ZDHHC14: variants seen among roughly 807,000 people sequenced by gnomAD.
ZDHHC14 encodes zDHHC palmitoyltransferase 14, also known as palmitoyltransferase ZDHHC14.
Under a neutral mutation model 47.7 loss-of-function variants are expected in ZDHHC14, and 16 were observed. The observed-to-expected ratio is 0.34, with a 90% CI of 0.23 to 0.51. ZDHHC14 has a LOEUF of 0.51. ZDHHC14 is among the 20% of genes least tolerant of loss of function. ZDHHC14 has a pLI of 0.97. For synonymous variants in ZDHHC14, 293 were observed against 278.9 expected, an observed-to-expected ratio of 1.05 and a Z score of -0.50; for missense variants, 515 against 662.5, an observed-to-expected ratio of 0.78 and a Z score of 2.44.
intron 3 of ZDHHC14, among the ~76,000 whole-genome samples, chr6:157,614,715 G>A (rs1359602798): frequency 1.3e-5 from 2 of 152,038 alleles, no homozygotes; most frequent in Admixed American, 6.5e-5. Context: ...TTCCTCACAC[G>A]GGGCCCCAGA....
At chr6:157,445,589 G>A (rs200388353) in intron 1 of ZDHHC14, among the ~76,000 whole-genome samples, 4 of 152,330 alleles carry the variant, frequency 2.6e-5, no homozygotes, top group African/African-American at 4.8e-5. Flanking sequence ...GTTGGTGAGC[G>A]GAGAGTTCTT....
intron 1 of ZDHHC14, among the ~76,000 whole-genome samples, chr6:157,464,830 G>A (rs1779167375): frequency 6.6e-6 from 1 of 152,160 alleles, no homozygotes; most frequent in South Asian, 2.1e-4. Flanking sequence ...AGGGCCGTCC[G>A]CCCTTGGCTG....
chr6:157,382,416 A>C, intron 1 of ZDHHC14, 150 bp downstream of exon 1: 1 of 1,024,030 alleles, frequency 9.8e-7, no homozygotes, highest in Non-Finnish European at 1.4e-6. Context: ...TTTCTTTTAA[A>C]GGTCTGATTG....
intron 1 of ZDHHC14, among the ~76,000 whole-genome samples, chr6:157,413,665 C>T (rs1233388991): frequency 6.6e-6 from 1 of 151,050 alleles, no homozygotes; most frequent in Non-Finnish European, 1.5e-5. Flanking sequence ...TGTGTGGGAG[C>T]TTTCTACACT....
intron 1 of ZDHHC14, among the ~76,000 whole-genome samples, chr6:157,503,602 G>A (rs1780239020): frequency 6.6e-6 from 1 of 152,122 alleles, no homozygotes; most frequent in Non-Finnish European, 1.5e-5. Flanking sequence ...GATGTGTCTT[G>A]ATTTTCATCC....
At chr6:157,563,331 C>A (rs1459105628) in intron 2 of ZDHHC14, among the ~76,000 whole-genome samples, 1 of 152,228 alleles carries the variant, frequency 6.6e-6, no homozygotes, top group Non-Finnish European at 1.5e-5. Flanking sequence ...TTCCCCAGCT[C>A]CAAGCCAGAA....
intron 2 of ZDHHC14, among the ~76,000 whole-genome samples, chr6:157,554,358 C>T (rs983443876): frequency 1.3e-5 from 2 of 152,062 alleles, no homozygotes; most frequent in Admixed American, 6.6e-5. Flanking sequence ...AGGCCGTAGG[C>T]GAGACGGCAC....
At chr6:157,421,417 C>T (rs1244481315) in intron 1 of ZDHHC14, among the ~76,000 whole-genome samples, 6 of 146,178 alleles carry the variant, frequency 4.1e-5, no homozygotes, top group Admixed American at 1.4e-4. Flanking sequence ...GGCATGAACC[C>T]GGGAGGCGGA....
chr6:157,465,694 G>A (rs1160865178), intron 1 of ZDHHC14, among the ~76,000 whole-genome samples: 1 of 152,158 alleles, frequency 6.6e-6, no homozygotes, highest in African/African-American at 2.4e-5. Context: ...TTCTACCCCT[G>A]AGGGCAGGTT....
intron 7 of ZDHHC14, among the ~76,000 whole-genome samples, chr6:157,650,520 G>T (rs779948014): frequency 9.9e-5 from 15 of 152,154 alleles, no homozygotes; most frequent in Non-Finnish European, 1.8e-4. Flanking sequence ...GACGCGATGG[G>T]ATGCTGGCCG....
intron 3 of ZDHHC14, among the ~76,000 whole-genome samples, chr6:157,605,707 G>A (rs181565286): frequency 2.1e-4 from 32 of 152,312 alleles, no homozygotes; most frequent in Admixed American, 2.0e-3. Flanking sequence ...ATTTTAACAT[G>A]TGAGGAAGGC....
intron 1 of ZDHHC14, among the ~76,000 whole-genome samples, chr6:157,504,341 T>G (rs1232347845): frequency 6.8e-6 from 1 of 147,106 alleles, no homozygotes. Context: ...TTTTTTTTTT[T>G]AGTAGAGACG....
intron 1 of ZDHHC14, among the ~76,000 whole-genome samples, chr6:157,511,490 C>G (rs1780482858): frequency 6.6e-6 from 1 of 151,536 alleles, no homozygotes; most frequent in East Asian, 1.9e-4. Context: ...AAGCGATTCT[C>G]CTGCCTCAGC....
At chr6:157,521,643 G>A (rs1780919197) in intron 1 of ZDHHC14, among the ~76,000 whole-genome samples, 1 of 152,230 alleles carries the variant, frequency 6.6e-6, no homozygotes, top group African/African-American at 2.4e-5. Context: ...ACCTCCTGAA[G>A]GTTCTGCTTC....
intron 1 of ZDHHC14, among the ~76,000 whole-genome samples, chr6:157,408,364 C>T (rs559113708): frequency 1.5e-3 from 230 of 152,038 alleles, no homozygotes; most frequent in Non-Finnish European, 2.9e-3. Flanking sequence ...CATAGGTAAA[C>T]GTGTGCCGTG....
At chr6:157,411,129 C>A (rs112457912) in intron 1 of ZDHHC14, among the ~76,000 whole-genome samples, 1 of 152,026 alleles carries the variant, frequency 6.6e-6, no homozygotes, top group Non-Finnish European at 1.5e-5. Flanking sequence ...CACCTTAGAT[C>A]GACTGAATCA....
chr6:157,639,172 AC>A (rs1179515290), intron 5 of ZDHHC14, among the ~76,000 whole-genome samples: 1 of 152,116 alleles, frequency 6.6e-6, no homozygotes, highest in Non-Finnish European at 1.5e-5. Flanking sequence ...TGATAGCTAA[AC>A]CCCGATGGGG....
chr6:157,588,949 G>C (rs142793282), intron 2 of ZDHHC14, among the ~76,000 whole-genome samples: 5 of 152,074 alleles, frequency 3.3e-5, no homozygotes, highest in African/African-American at 1.2e-4. Flanking sequence ...CTTGGAGCAG[G>C]CCTTCTCATC....
chr6:157,523,140 G>A (rs1317938633), intron 1 of ZDHHC14, among the ~76,000 whole-genome samples: 2 of 151,468 alleles, frequency 1.3e-5, no homozygotes, highest in East Asian at 3.9e-4. Context: ...AGCCCTAGGG[G>A]CATTAGTCAA....
Sources: allele counts gnomAD v4.1 joint callset (sites outside exome capture counted in the v4.1 genomes callset), GRCh38; gene constraint gnomAD v4.1.1; transcripts MANE v1.5; gene names NCBI Gene and HGNC (gene_info 2026-07-23, HGNC 2026-07-21).